The following RCN2 variants were observed in gnomAD, a reference collection of about 807,000 sequenced individuals.
RCN2 encodes reticulocalbin-2.
A neutral mutation model predicts 37.5 loss-of-function variants in RCN2; 23 were observed. The observed-to-expected ratio is 0.61, with a 90% confidence interval of 0.44 to 0.87. RCN2 has a LOEUF of 0.87. RCN2 is among the 40% of genes least tolerant of loss of function. RCN2 has a pLI of 0.00. For synonymous variants in RCN2, 140 were observed against 144.6 expected, an observed-to-expected ratio of 0.97 and a Z score of 0.23; for missense variants, 381 against 390.4, an observed-to-expected ratio of 0.98 and a Z score of 0.20.
chr15:76,943,852 A>G lies in RCN2; in HGVS notation c.542A>G (p.Glu181Gly). 6.3e-7 allele frequency: 1 copy of G among 1,595,862 alleles called. No homozygotes were observed. The highest frequency in any genetic ancestry group is 8.6e-7 in the Non-Finnish European group (1 of 1,164,548). The change falls in exon 4 of 7, where the codon GAA (glutamate) becomes GGA (glycine). Residue 181 changes from glutamate to glycine, a missense_variant. Coordinates refer to ENST00000394885, the MANE Select transcript of RCN2 (RefSeq NM_002902.3). The part of the protein sequence containing the change: ...LEEFIAFEHP[E>G]EVDYMTEFVI... ...GAATTTATTGCTTTTGAGCATCCTG[A>G]AGAAGTTGATTATATGACGGTAAGA...
chr15:76,953,640 C>T lies in RCN2; in HGVS notation c.*4418C>T, dbSNP rs1246001146. 9.8e-6 allele frequency: 1 copy of T among 101,638 alleles called. No individual in the cohort carries two copies. The highest frequency in any genetic ancestry group is 1.8e-5 in the Non-Finnish European group (1 of 55,744). 6.3% of individuals were successfully genotyped at this position (101,638 alleles called of 1,614,324 possible). A position where few individuals can be genotyped will look rare whatever the true frequency, so the allele number is the denominator to read the frequency against. ...TTTTTTTTTTTGAGACGGAGTCTCGCTCTGTCGCCCAGGCTGGAGTGCAGT... is the reference window on the plus strand; with the variant it reads ...TTTTTTTTTTTGAGACGGAGTCTCGTTCTGTCGCCCAGGCTGGAGTGCAGT... On this transcript the variant is annotated 3_prime_UTR_variant, in exon 7 of 7. Transcript: ENST00000394885.
At chr15:76,941,559 A>G (rs1312658335) in intron 3 of RCN2, 2 of 746,640 alleles carry the variant, frequency 2.7e-6, no homozygotes, top group Non-Finnish European at 4.2e-6. Context: ...CTACTAGAAT[A>G]CAAAGTTTTT....
rs1596001099 is a variant in RCN2 at position 76,932,426 on chromosome 15, A to G, written c.210A>G (p.Ile70Met). The G allele has an allele frequency of 7.4e-6, 12 of 1,612,776 alleles. No homozygotes were observed. In the East Asian group the frequency reaches 2.5e-4, roughly 33 times the overall value. ...AGCAAAAAAGACTGCAGGCGATCAT[A>G]AAGAAAATCGACTTGGACTCAGATG... ...EEQQKRLQAI[I>M]KKIDLDSDGF... Residue 70 changes from isoleucine (I) to methionine (M), a missense_variant, in exon 2 of 7, where the codon ATA becomes ATG. Transcript: ENST00000394885.
Position 76,950,208 on chromosome 15 carries a change from A to G in RCN2, c.*986A>G, listed in dbSNP as rs959370221. The stretch of plus-strand genomic sequence containing the variant: ...TACCAATAGAGCTGGTCAGTTATCA[A>G]CAGTAGAGCTCAGTATCAATTTTAC... On this transcript the variant is annotated 3_prime_UTR_variant, in exon 7 of 7. Coordinates refer to ENST00000394885, the MANE Select transcript of RCN2 (RefSeq NM_002902.3). 1.3e-5 allele frequency: 2 copies of G among 152,176 alleles called. No homozygotes were observed. The highest frequency in any genetic ancestry group is 2.9e-5 in the Non-Finnish European group (2 of 68,040). The allele number at this position is 152,176 out of a possible 1,614,324, so 9.4% of individuals were successfully genotyped here.
intron 5 of RCN2, 80 bp downstream of exon 5, chr15:76,947,597 CTCT>C: frequency 1.1e-6 from 1 of 879,474 alleles, no homozygotes; most frequent in South Asian, 1.5e-5. Context: ...ATTGAAAGCT[CTCT>C]TCAACAGGAA....
rs1183626151 is a variant in RCN2 at position 76,953,639 on chromosome 15, G to A, written c.*4417G>A. The stretch of plus-strand genomic sequence containing the variant: ...TTTTTTTTTTTTGAGACGGAGTCTC[G>A]CTCTGTCGCCCAGGCTGGAGTGCAG... On this transcript the variant is annotated 3_prime_UTR_variant, in exon 7 of 7. Transcript: ENST00000394885. 1 of 99,228 alleles carries A rather than the reference G, an allele frequency of 1.0e-5. No homozygotes were observed. Among genetic ancestry groups the A allele is most frequent in the African/African-American group, 4.0e-5 (1 of 24,850 alleles). The allele number at this position is 99,228 out of a possible 1,614,324, so 6.1% of individuals were successfully genotyped here.
In RCN2 at chr15:76,949,589, ATTTTTGTTT is replaced by A. The variant is rs1008913174; in HGVS notation, c.*370_*378del. ...TAAGTAGTATGTGACCGAGCTATAA[ATTTTTGTTT>A]TTGTTCTAAGTAGATTTAATTTGGG... On this transcript the variant is annotated 3_prime_UTR_variant, in exon 7 of 7. Coordinates refer to ENST00000394885, the MANE Select transcript of RCN2 (RefSeq NM_002902.3). 1.3e-5 allele frequency: 2 copies of A among 155,862 alleles called. No homozygotes were observed. The highest frequency in any genetic ancestry group is 4.8e-5 in the African/African-American group (2 of 41,568). 9.7% of individuals were successfully genotyped at this position (155,862 alleles called of 1,614,324 possible).
chr15:76,943,906 T>G (rs766710048), intron 4 of RCN2, 35 bp downstream of exon 4: 1 of 1,205,190 alleles, frequency 8.3e-7, no homozygotes, highest in Admixed American at 2.0e-5. Flanking sequence ...AATTATTGAG[T>G]GACCAAAACT....
At chr15:76,939,487 A>T (rs987177172) in intron 3 of RCN2, among the ~76,000 whole-genome samples, 1 of 152,094 alleles carries the variant, frequency 6.6e-6, no homozygotes, top group Non-Finnish European at 1.5e-5. Flanking sequence ...TAAGGGGAAA[A>T]TGTATCTTTT....
In RCN2 at chr15:76,948,452, G is replaced by C. The variant is rs934551088; in HGVS notation, c.701G>C (p.Arg234Thr). The change falls in exon 6 of 7, where the codon AGA (arginine) becomes ACA (threonine). Residue 234 changes from arginine (R) to threonine (T), a missense_variant. Arg to Thr is a moderately conservative substitution (Grantham distance 71). Coordinates refer to ENST00000394885, the MANE Select transcript of RCN2 (RefSeq NM_002902.3). ...DPEWILVEKD[R>T]FVNDYDKDND... ...GAATGGATACTTGTTGAGAAAGACA[G>C]ATTCGTGAATGATTATGACAAAGAT... 6.2e-7 allele frequency: 1 copy of C among 1,609,838 alleles called. No homozygotes were observed. Among genetic ancestry groups the C allele is most frequent in the Non-Finnish European group, 8.5e-7 (1 of 1,177,576 alleles).
intron 3 of RCN2, chr15:76,942,407 C>T (rs1309635309): frequency 6.6e-6 from 1 of 152,096 alleles, no homozygotes; most frequent in Non-Finnish European, 1.5e-5. Flanking sequence ...GCAGGATTAG[C>T]AGTATAGCAT....
chr15:76,936,602 C>G (rs1210658406), intron 3 of RCN2, among the ~76,000 whole-genome samples: 1 of 152,092 alleles, frequency 6.6e-6, no homozygotes, highest in African/African-American at 2.4e-5. Flanking sequence ...GCTATGTGGC[C>G]CAGTTCCTAA....
rs1223712994 is a variant in RCN2, at chr15:76,952,547, T to G, written c.*3325T>G. ...ACCTTCCATCTCCATGAACTTCATT[T>G]GTAAAACGGAAATTTATACCCATTA... On this transcript the variant is annotated 3_prime_UTR_variant, in exon 7 of 7. Transcript: ENST00000394885. The G allele has an allele frequency of 6.6e-6, 1 of 152,240 alleles. No homozygotes were observed. Among genetic ancestry groups the G allele is most frequent in the Non-Finnish European group, 1.5e-5 (1 of 68,056 alleles). 9.4% of individuals were successfully genotyped at this position (152,240 alleles called of 1,614,324 possible).
Position 76,948,998 on chromosome 15 carries a change from A to C in RCN2, c.802-72A>C, listed in dbSNP as rs569025087. ...ACACCTGGATGATTTTGACAAGTCA[A>C]ATCACATTAAATTGTGAACATCTTG... On this transcript the variant is annotated intron_variant, in intron 6 of 6. Transcript: ENST00000394885. The C allele has an allele frequency of 5.6e-5, 76 of 1,349,636 alleles. No individual in the cohort carries two copies. In the African/African-American group the frequency reaches 1.0e-3, roughly 18 times the overall value. The allele number at this position is 1,349,636 out of a possible 1,614,324, so 83.6% of individuals were successfully genotyped here. A position where few individuals can be genotyped will look rare whatever the true frequency, so the allele number is the denominator to read the frequency against.
At chr15:76,940,788 C>G (rs1596004546) in intron 3 of RCN2, among the ~76,000 whole-genome samples, 2 of 152,086 alleles carry the variant, frequency 1.3e-5, no homozygotes, top group South Asian at 2.1e-4. Context: ...TCTCAAACTC[C>G]TGACCTCAAG....
At chr15:76,937,648 T>C (rs1301523812) in intron 3 of RCN2, among the ~76,000 whole-genome samples, 2 of 152,160 alleles carry the variant, frequency 1.3e-5, no homozygotes, top group Non-Finnish European at 2.9e-5. Context: ...GGTCAAGTGA[T>C]CTACCCACCT....
chr15:76,941,673 T>G, intron 3 of RCN2: 1 of 1,506,940 alleles, frequency 6.6e-7, no homozygotes, highest in Non-Finnish European at 8.9e-7. Flanking sequence ...TTTCTGTTTT[T>G]GGCTTCTTCG....
chr15:76,943,785 G>GTAAGTTTAACTCAAC lies in RCN2; in HGVS notation c.475_476insTAAGTTTAACTCAAC (p.Glu159delinsValSerLeuThrGlnGln), dbSNP rs2075284733. ...TCACTTAAAGGACAAGAAGCGATTT[G>GTAAGTTTAACTCAAC]AAAAAGCTAACCAGGATTCAGGTCC... On this transcript the variant is annotated protein_altering_variant, in exon 4 of 7. Transcript: ENST00000394885. 1 of 1,606,374 alleles carries GTAAGTTTAACTCAAC rather than the reference G, an allele frequency of 6.2e-7. No individual in the cohort carries two copies. The highest frequency in any genetic ancestry group is 1.3e-5 in the African/African-American group (1 of 74,758).
chr15:76,941,534 AACACTTTTT>A (rs527906806), intron 3 of RCN2: 132 of 535,210 alleles, frequency 2.5e-4, no homozygotes, highest in African/African-American at 2.4e-3. Flanking sequence ...TACTGTACCT[AACACTTTTT>A]ACCCTCTACT....
Sources: allele counts gnomAD v4.1 joint callset (sites outside exome capture counted in the v4.1 genomes callset), GRCh38; gene constraint gnomAD v4.1.1; transcripts MANE v1.5; gene names NCBI Gene and HGNC (gene_info 2026-07-23, HGNC 2026-07-21).